Variants in CTNND2 observed in about 807,000 individuals in gnomAD.
The protein encoded by CTNND2 is catenin delta-2.
In CTNND2, 22 loss-of-function variants were observed where a neutral mutation model predicts 144.4. The observed-to-expected ratio is 0.15, with a 90% confidence interval of 0.11 to 0.22. The LOEUF is 0.22. CTNND2 is among the 10% of genes least tolerant of loss of function. CTNND2 has a pLI of 1.00. For synonymous variants in CTNND2, 751 were observed against 695.6 expected (o/e 1.08, Z -1.25); for missense variants, 1,353 against 1,618.8 (o/e 0.84, Z 2.82).
chr5:11,878,266 C>T (rs11959897), intron 1 of CTNND2, among the ~76,000 whole-genome samples: 30,400 of 152,050 alleles, frequency 0.2, 3,640 homozygotes, highest in Non-Finnish European at 0.27. Flanking sequence ...AAATATTACA[C>T]ATTTTCTGGC....
At chr5:11,543,985 G>GA (rs1398747658) in intron 3 of CTNND2, among the ~76,000 whole-genome samples, 2 of 151,914 alleles carry the variant, frequency 1.3e-5, no homozygotes, top group African/African-American at 4.8e-5. Context: ...ACACACATGA[G>GA]AAAAAATGCC....
intron 2 of CTNND2, among the ~76,000 whole-genome samples, chr5:11,681,111 T>G (rs1784405244): frequency 6.6e-6 from 1 of 152,170 alleles, no homozygotes; most frequent in African/African-American, 2.4e-5. Context: ...CAGCTGAGCC[T>G]GGAGGAATTC....
chr5:11,472,011 G>A (rs1477198791), intron 3 of CTNND2, among the ~76,000 whole-genome samples: 1 of 152,114 alleles, frequency 6.6e-6, no homozygotes, highest in African/African-American at 2.4e-5. Flanking sequence ...ATTTTCAGAA[G>A]CGAACACTGT....
intron 21 of CTNND2, among the ~76,000 whole-genome samples, chr5:10,976,493 T>C (rs2149479679): frequency 6.6e-6 from 1 of 152,346 alleles, no homozygotes; most frequent in South Asian, 2.1e-4. Context: ...AGCCCAGGAA[T>C]ACGCAAGCCC....
chr5:11,660,864 A>T (rs1783163352), intron 2 of CTNND2, among the ~76,000 whole-genome samples: 1 of 152,288 alleles, frequency 6.6e-6, no homozygotes, highest in East Asian at 1.9e-4. Context: ...TCTATGTAGG[A>T]TCAATATAAT....
intron 18 of CTNND2, among the ~76,000 whole-genome samples, chr5:11,016,512 C>A (rs1224499761): frequency 6.6e-6 from 1 of 152,156 alleles, no homozygotes. Flanking sequence ...GATGTGAGCC[C>A]CTTACTGTGG....
At chr5:11,392,064 A>G (rs1357832523) in intron 6 of CTNND2, among the ~76,000 whole-genome samples, 2 of 152,190 alleles carry the variant, frequency 1.3e-5, no homozygotes, top group Non-Finnish European at 2.9e-5. Flanking sequence ...AGGGGGAGAG[A>G]AAGAACAAGA....
chr5:11,469,127 C>G (rs1232611844), intron 3 of CTNND2, among the ~76,000 whole-genome samples: 2 of 152,198 alleles, frequency 1.3e-5, no homozygotes, highest in Non-Finnish European at 2.9e-5. Context: ...CTTTCCACAG[C>G]TGAGGCTGCC....
chr5:10,975,056 C>T (rs1487782611), intron 21 of CTNND2, among the ~76,000 whole-genome samples: 1 of 152,152 alleles, frequency 6.6e-6, no homozygotes, highest in Non-Finnish European at 1.5e-5. Context: ...AGAGGATAAA[C>T]CTTTGTTAGC....
At chr5:11,792,016 A>T (rs1561800522) in intron 1 of CTNND2, among the ~76,000 whole-genome samples, 1 of 152,216 alleles carries the variant, frequency 6.6e-6, no homozygotes, top group Admixed American at 6.5e-5. Flanking sequence ...AAATAGAATT[A>T]ATTGACTTGC....
chr5:11,175,318 A>G (rs1463781256), intron 11 of CTNND2, among the ~76,000 whole-genome samples: 6 of 152,144 alleles, frequency 3.9e-5, no homozygotes, highest in Admixed American at 3.9e-4. Flanking sequence ...GTAATATTAA[A>G]ATCTTCAGCC....
chr5:11,104,335 T>C (rs1243122386), intron 14 of CTNND2, among the ~76,000 whole-genome samples: 1 of 152,194 alleles, frequency 6.6e-6, no homozygotes. Flanking sequence ...TTGCAAAATG[T>C]AGGAAGAGAA....
Position 11,245,069 on chromosome 5 carries a change from T to C in CTNND2, c.1629-8246A>G, listed in dbSNP as rs565595262. On this transcript the variant is annotated intron_variant, in intron 9 of 21. Transcript: ENST00000304623. ...TAAACACAGGGTCAGCATTCATGCC[T>C]GATTTGCATCAAATTTGATTATTTC... Among the ~76,000 whole-genome samples, 48 of 152,368 alleles carry C rather than the reference T, an allele frequency of 3.2e-4. No homozygotes were observed. In the South Asian group the frequency reaches 8.9e-3, roughly 28 times the overall value.
Position 11,568,701 on chromosome 5 carries a change from A to C in CTNND2, c.175-3645T>G, listed in dbSNP as rs561996135. ...GATTCTTTTGCACTGGAGGATACTT[A>C]AACTGTGGGGTAAATGGAAAGATGA... On this transcript the variant is annotated intron_variant, in intron 2 of 21. Coordinates refer to ENST00000304623, the MANE Select transcript of CTNND2 (RefSeq NM_001332.4). Among the ~76,000 whole-genome samples the C allele has an allele frequency of 3.3e-4, 50 of 152,282 alleles. 1 individual carries two copies. The highest frequency in any genetic ancestry group is 9.9e-4 in the African/African-American group (41 of 41,562).
In CTNND2 at chr5:11,893,945, G is replaced by A. The variant is rs551370382; in HGVS notation, c.37+9872C>T. ...TACCTAAAACTTTGTAACTCACTAA[G>A]TAACATACTCATTGAGGAATGTTTA... On this transcript the variant is annotated intron_variant, in intron 1 of 21. Transcript: ENST00000304623. Among the ~76,000 whole-genome samples the A allele has an allele frequency of 4.6e-5, 7 of 152,220 alleles. No homozygotes were observed. In the South Asian group the frequency reaches 1.5e-3, roughly 32 times the overall value.
chr5:11,429,398 C>T (rs891441676), intron 3 of CTNND2, among the ~76,000 whole-genome samples: 6 of 152,342 alleles, frequency 3.9e-5, no homozygotes, highest in Non-Finnish European at 7.3e-5. Context: ...CAGCAGCTGT[C>T]ATGAGCATGT....
At chr5:11,374,775 CTTTTTTTTTTTTTT>C (rs56327510) in intron 7 of CTNND2, among the ~76,000 whole-genome samples, 17 of 99,408 alleles carry the variant, frequency 1.7e-4, no homozygotes, top group African/African-American at 3.2e-4. Flanking sequence ...TCCCAATCTA[CTTTTTTTTTTTTTT>C]TTTTTTTTTT....
intron 9 of CTNND2, among the ~76,000 whole-genome samples, chr5:11,255,614 T>C (rs1744152822): frequency 6.6e-6 from 1 of 152,164 alleles, no homozygotes; most frequent in African/African-American, 2.4e-5. Flanking sequence ...AGGTTACGCA[T>C]TCTATCTAGT....
intron 2 of CTNND2, among the ~76,000 whole-genome samples, chr5:11,672,258 G>T (rs1783911150): frequency 6.6e-6 from 1 of 152,192 alleles, no homozygotes; most frequent in Admixed American, 6.5e-5. Flanking sequence ...ATACACAAGG[G>T]TCAGGGACCC....
Sources: gnomAD v4.1 joint callset for allele counts (sites outside exome capture counted in the v4.1 genomes callset) on GRCh38, gnomAD v4.1.1 for gene constraint, MANE v1.5 for transcripts, NCBI Gene and HGNC (gene_info 2026-07-23, HGNC 2026-07-21) for gene names.